The following SCD5 variants were observed in gnomAD, a reference collection of about 807,000 sequenced individuals.
SCD5 encodes stearoyl-CoA desaturase 5.
Under a neutral mutation model 30.4 loss-of-function variants are expected in SCD5, and 20 were observed. The observed-to-expected ratio is 0.66, with a 90% CI of 0.46 to 0.96. SCD5 has a LOEUF of 0.96. SCD5 is among the 40% of genes least tolerant of loss of function. The probability of loss-of-function intolerance (pLI) is 0.00; values close to 1 mark genes in which losing one functional copy is unlikely to be tolerated. For synonymous variants in SCD5, 173 were observed against 176.4 expected, an observed-to-expected ratio of 0.98 and a Z score of 0.16; for missense variants, 381 against 443.3, an observed-to-expected ratio of 0.86 and a Z score of 1.26.
intron 3 of SCD5, among the ~76,000 whole-genome samples, chr4:82,666,147 C>T (rs1728182057): frequency 6.6e-6 from 1 of 152,096 alleles, no homozygotes; most frequent in Non-Finnish European, 1.5e-5. Flanking sequence ...AAAACTTTCT[C>T]TACTTTTTAT....
At chr4:82,712,296 A>ATATATATATACG (rs1720123956) in intron 1 of SCD5, among the ~76,000 whole-genome samples, 1 of 27,492 alleles carries the variant, frequency 3.6e-5, no homozygotes, top group Non-Finnish European at 7.3e-5. Context: ...ATATATATAT[A>ATATATATATACG]TTTTATTTTT....
At chr4:82,735,768 G>A (rs1012845637) in intron 1 of SCD5, among the ~76,000 whole-genome samples, 2 of 152,156 alleles carry the variant, frequency 1.3e-5, no homozygotes, top group Non-Finnish European at 2.9e-5. Flanking sequence ...ATTTTTAATA[G>A]AAGTGTTTTG....
intron 1 of SCD5, among the ~76,000 whole-genome samples, chr4:82,730,066 C>G (rs1720594389): frequency 6.6e-6 from 1 of 151,886 alleles, no homozygotes. Context: ...TGAGTGCCCC[C>G]ATGTGTATTT....
chr4:82,798,397 C>G lies in SCD5; in HGVS notation c.141G>C (p.Trp47Cys). 1 of 1,613,484 alleles carries G rather than the reference C, an allele frequency of 6.2e-7. No individual in the cohort carries two copies. Among genetic ancestry groups the G allele is most frequent in the South Asian group, 1.1e-5 (1 of 91,066 alleles). Residue 47 changes from tryptophan (W) to cysteine (C), a missense_variant, in exon 1 of 5, where the codon TGG becomes TGC. Trp to Cys is a radical substitution (Grantham distance 215). Transcript: ENST00000319540. ...GCAAGCTCATCAGGACGACATTCCT[C>G]CAGACGATGTTCTGCCGCTGCCCGC... ...GARGQRQNIV[W>C]RNVVLMSLLH...
intron 2 of SCD5, among the ~76,000 whole-genome samples, chr4:82,700,768 C>G (rs555780192): frequency 7.9e-6 from 1 of 126,448 alleles, no homozygotes; most frequent in Non-Finnish European, 1.6e-5. Context: ...GCCTGGGTGA[C>G]GGAGTGAGAC....
At chr4:82,795,995 G>C (rs1045762491) in intron 1 of SCD5, among the ~76,000 whole-genome samples, 4 of 151,800 alleles carry the variant, frequency 2.6e-5, no homozygotes, top group African/African-American at 9.7e-5. Context: ...TACGGGCCGG[G>C]CGCAGTGGCT....
At chr4:82,640,928 G>C (rs1476315908) in intron 3 of SCD5, among the ~76,000 whole-genome samples, 4 of 151,612 alleles carry the variant, frequency 2.6e-5, no homozygotes, top group East Asian at 3.8e-4. Context: ...TTGCTAAATG[G>C]GTTTTCTGTT....
chr4:82,645,314 GAA>G (rs34850249), intron 3 of SCD5, among the ~76,000 whole-genome samples: 2 of 144,750 alleles, frequency 1.4e-5, no homozygotes, highest in African/African-American at 5.1e-5. Context: ...ACCGTCTCAA[GAA>G]AAAAAAAAAA....
At chr4:82,657,552 T>C (rs1334968320) in intron 3 of SCD5, among the ~76,000 whole-genome samples, 1 of 152,236 alleles carries the variant, frequency 6.6e-6, no homozygotes, top group African/African-American at 2.4e-5. Context: ...AGCTTTGCTC[T>C]TTTTGCTTAG....
At chr4:82,781,402 T>A (rs566755327) in intron 1 of SCD5, among the ~76,000 whole-genome samples, 72 of 147,560 alleles carry the variant, frequency 4.9e-4, no homozygotes, top group African/African-American at 1.7e-3. Context: ...GCTGACAGAG[T>A]GAGACTCTGT....
At position 82,641,226 on chromosome 4, in the gene SCD5, C is replaced by T. The variant is rs1301641142; in HGVS notation, c.570-4403G>A. On this transcript the variant is annotated intron_variant, in intron 3 of 4. Transcript: ENST00000319540. ...CCAAGATCATGCCATTGCACTCCAG[C>T]CTAGGCGAAGAAGCAAAACTCCATC... Among the ~76,000 whole-genome samples, 7 of 122,266 alleles carry T rather than the reference C, an allele frequency of 5.7e-5. No individual in the cohort carries two copies. In the East Asian group the frequency reaches 1.8e-3, roughly 31 times the overall value. The allele number at this position is 122,266 out of a possible 152,430, so 80.2% of individuals were successfully genotyped here.
At chr4:82,643,125 AG>A (rs1449492949) in intron 3 of SCD5, among the ~76,000 whole-genome samples, 1 of 152,252 alleles carries the variant, frequency 6.6e-6, no homozygotes, top group Non-Finnish European at 1.5e-5. Flanking sequence ...AATGTTAGCA[AG>A]GATGTAGAAA....
At chr4:82,635,107 G>T (rs888729801) in intron 4 of SCD5, among the ~76,000 whole-genome samples, 1 of 152,176 alleles carries the variant, frequency 6.6e-6, no homozygotes, top group African/African-American at 2.4e-5. Context: ...TCCTATGTTT[G>T]ATCTCTGTGC....
Position 82,636,712 on chromosome 4 carries a change from G to C in SCD5, c.681C>G (p.Arg227=). The C allele has an allele frequency of 6.2e-7, 1 of 1,614,246 alleles. No individual in the cohort carries two copies. Among genetic ancestry groups the C allele is most frequent in the Non-Finnish European group, 8.5e-7 (1 of 1,180,048 alleles). The change falls in exon 4 of 5, where the codon CGC becomes CGG. Residue 227 remains arginine (R), a synonymous_variant. Transcript: ENST00000319540. The part of the protein sequence containing the change: ...WNSYFLASIL[R]YTISLNISWL... ...AGCTGATGTTGAGTGAGATGGTATA[G>C]CGGAGAATAGAGGCCAAGAAGTAGG...
intron 1 of SCD5, among the ~76,000 whole-genome samples, chr4:82,780,751 A>T (rs1721849310): frequency 6.6e-6 from 1 of 152,244 alleles, no homozygotes; most frequent in South Asian, 2.1e-4. Context: ...GCAAAAATTT[A>T]TCTGAGTCCA....
chr4:82,671,067 T>C (rs185746498), intron 3 of SCD5, among the ~76,000 whole-genome samples: 157 of 152,278 alleles, frequency 1.0e-3, no homozygotes, highest in South Asian at 7.3e-3. Context: ...ATTCTTATAA[T>C]AATCAAAAGA....
At chr4:82,730,819 C>CAG in intron 1 of SCD5, among the ~76,000 whole-genome samples, 3 of 152,094 alleles carry the variant, frequency 2.0e-5, no homozygotes, top group Non-Finnish European at 4.4e-5. Context: ...CTCCTGACCT[C>CAG]GTAATCCGCT....
chr4:82,703,887 C>A (rs1719912258), intron 2 of SCD5, among the ~76,000 whole-genome samples: 1 of 152,136 alleles, frequency 6.6e-6, no homozygotes, highest in Non-Finnish European at 1.5e-5. Context: ...TTTGAAAGCA[C>A]AACACTGAAA....
intron 3 of SCD5, among the ~76,000 whole-genome samples, chr4:82,638,579 C>G (rs532031144): frequency 1.3e-5 from 2 of 152,266 alleles, no homozygotes; most frequent in African/African-American, 2.4e-5. Context: ...ATATTAGCTC[C>G]CCCACACTTC....
Sources: allele counts gnomAD v4.1 joint callset (sites outside exome capture counted in the v4.1 genomes callset), GRCh38; gene constraint gnomAD v4.1.1; transcripts MANE v1.5; gene names NCBI Gene and HGNC (gene_info 2026-07-23, HGNC 2026-07-21).